The following LHFPL3 variants were observed in gnomAD, a reference collection of about 807,000 sequenced individuals.
LHFPL3 encodes the protein LHFPL tetraspan subfamily member 3, also known as LHFPL tetraspan subfamily member 3 protein.
A neutral mutation model predicts 19.3 loss-of-function variants in LHFPL3; 5 were observed. The ratio of observed to expected loss-of-function variants is 0.26; its 90% CI spans 0.14 to 0.54. The LOEUF (loss-of-function observed/expected upper bound fraction) is 0.54, where lower values mean the gene tolerates loss of function less well. LHFPL3 is among the 20% of genes least tolerant of loss of function. The pLI, the probability that LHFPL3 is intolerant of heterozygous loss-of-function variation, is 0.94. For missense variants in LHFPL3, 249 were observed against 307.4 expected (o/e 0.81, Z 1.42); for synonymous variants, 133 against 126.2 (o/e 1.05, Z -0.36).
chr7:104,798,034 C>T (rs965569633), intron 2 of LHFPL3, among the ~76,000 whole-genome samples: 12 of 150,660 alleles, frequency 8.0e-5, no homozygotes, highest in African/African-American at 2.7e-4. Flanking sequence ...GTGGGGGGGG[C>T]GGCACTATGT....
intron 1 of LHFPL3, among the ~76,000 whole-genome samples, chr7:104,713,981 C>T (rs1033045570): frequency 6.6e-6 from 1 of 152,180 alleles, no homozygotes; most frequent in Non-Finnish European, 1.5e-5. Context: ...ATCTTACAGG[C>T]ATTTTGCTGG....
At chr7:104,533,480 A>C (rs956083428) in intron 1 of LHFPL3, among the ~76,000 whole-genome samples, 7 of 152,208 alleles carry the variant, frequency 4.6e-5, no homozygotes, top group Non-Finnish European at 1.0e-4. Context: ...TCCCTGCTGG[A>C]CACCTTCATC....
At chr7:104,452,039 C>A (rs1399266130) in intron 1 of LHFPL3, among the ~76,000 whole-genome samples, 2 of 151,926 alleles carry the variant, frequency 1.3e-5, no homozygotes, top group Non-Finnish European at 2.9e-5. Context: ...GGCCACCGCA[C>A]CCAGCCTAAA....
chr7:104,475,701 T>C (rs1325879204), intron 1 of LHFPL3, among the ~76,000 whole-genome samples: 1 of 152,206 alleles, frequency 6.6e-6, no homozygotes, highest in Non-Finnish European at 1.5e-5. Context: ...ACAAAGTCCC[T>C]GAGTAGTTCA....
At chr7:104,518,799 A>ATAGG in intron 1 of LHFPL3, among the ~76,000 whole-genome samples, 1 of 97,124 alleles carries the variant, frequency 1.0e-5, no homozygotes, top group Admixed American at 1.0e-4. Context: ...TAAATAGATG[A>ATAGG]TAGATAGATA....
At chr7:104,600,752 T>A (rs1790947338) in intron 1 of LHFPL3, among the ~76,000 whole-genome samples, 1 of 152,198 alleles carries the variant, frequency 6.6e-6, no homozygotes, top group Admixed American at 6.5e-5. Flanking sequence ...GTACTGTTGT[T>A]TCATTCATTC....
At chr7:104,836,691 A>ATGCTC (rs1791102095) in intron 2 of LHFPL3, among the ~76,000 whole-genome samples, 1 of 152,174 alleles carries the variant, frequency 6.6e-6, no homozygotes, top group Non-Finnish European at 1.5e-5. Context: ...TAAGTTCACT[A>ATGCTC]TGCTCTGCTA....
chr7:104,733,354 T>A (rs1254269460), intron 1 of LHFPL3, among the ~76,000 whole-genome samples: 1 of 152,164 alleles, frequency 6.6e-6, no homozygotes, highest in Admixed American at 6.5e-5. Flanking sequence ...TGTGTGGGAG[T>A]CTAAGTCTCT....
intron 1 of LHFPL3, among the ~76,000 whole-genome samples, chr7:104,719,268 T>C (rs1174220113): frequency 6.6e-6 from 1 of 152,146 alleles, no homozygotes; most frequent in Non-Finnish European, 1.5e-5. Context: ...AAAGTACACA[T>C]GTACACATAC....
intron 2 of LHFPL3, among the ~76,000 whole-genome samples, chr7:104,868,093 C>G (rs1355181975): frequency 6.6e-6 from 1 of 152,224 alleles, no homozygotes; most frequent in East Asian, 1.9e-4. Context: ...ATAATAAGAG[C>G]TATTTATGAC....
chr7:104,569,309 T>G (rs1323221152), intron 1 of LHFPL3, among the ~76,000 whole-genome samples: 1 of 152,180 alleles, frequency 6.6e-6, no homozygotes, highest in Non-Finnish European at 1.5e-5. Context: ...GGAAATGTAT[T>G]AGTCATCTTT....
chr7:104,499,291 A>T (rs1793552293), intron 1 of LHFPL3, among the ~76,000 whole-genome samples: 1 of 152,230 alleles, frequency 6.6e-6, no homozygotes, highest in South Asian at 2.1e-4. Flanking sequence ...TTGCAAAATG[A>T]ATAGCACTTT....
At chr7:104,550,967 C>T (rs1489223350) in intron 1 of LHFPL3, among the ~76,000 whole-genome samples, 2 of 152,132 alleles carry the variant, frequency 1.3e-5, no homozygotes, top group Non-Finnish European at 2.9e-5. Flanking sequence ...CCAAAATTTT[C>T]CAGAGCTCTC....
chr7:104,861,344 C>T (rs1270675008), intron 2 of LHFPL3, among the ~76,000 whole-genome samples: 1 of 152,134 alleles, frequency 6.6e-6, no homozygotes, highest in Non-Finnish European at 1.5e-5. Context: ...TATTTTTTCT[C>T]ATATATAAAA....
chr7:104,530,566 TGA>T (rs1265035707), intron 1 of LHFPL3, among the ~76,000 whole-genome samples: 1 of 152,214 alleles, frequency 6.6e-6, no homozygotes, highest in Non-Finnish European at 1.5e-5. Flanking sequence ...AGTGTATATT[TGA>T]GAATTTGATT....
At position 104,663,788 on chromosome 7, in the gene LHFPL3, A is replaced by G. The variant is rs140762266; in HGVS notation, c.446-72887A>G. Among the ~76,000 whole-genome samples, 185 of 152,356 alleles carry G rather than the reference A, an allele frequency of 1.2e-3. 1 individual carries two copies. Among genetic ancestry groups the G allele is most frequent in the African/African-American group, 1.7e-3 (71 of 41,584 alleles). On this transcript the variant is annotated intron_variant, in intron 1 of 2. Coordinates refer to ENST00000424859, the MANE Select transcript of LHFPL3 (RefSeq NM_199000.3). ...TTTATGTTGACTATCACAGAATCCT[A>G]TGATTCTAGAATTGAATCCATGTAA... is the stretch of plus-strand genomic sequence containing the variant.
chr7:104,627,030 C>T (rs988367017), intron 1 of LHFPL3, among the ~76,000 whole-genome samples: 25 of 151,924 alleles, frequency 1.6e-4, no homozygotes, highest in Admixed American at 4.6e-4. Context: ...GTATATAATA[C>T]GTTATTATTA....
At chr7:104,419,705 G>T (rs1169133308) in intron 1 of LHFPL3, among the ~76,000 whole-genome samples, 3 of 152,178 alleles carry the variant, frequency 2.0e-5, no homozygotes, top group Non-Finnish European at 4.4e-5. Context: ...CCAGACTTGG[G>T]ATTCTTCTGA....
At chr7:104,584,442 A>T (rs1584417918) in intron 1 of LHFPL3, among the ~76,000 whole-genome samples, 2 of 151,482 alleles carry the variant, frequency 1.3e-5, no homozygotes, top group South Asian at 4.2e-4. Flanking sequence ...CATGTACCCT[A>T]AAACTTAAAG....
Sources: allele counts gnomAD v4.1 joint callset (sites outside exome capture counted in the v4.1 genomes callset), GRCh38; gene constraint gnomAD v4.1.1; transcripts MANE v1.5; gene names NCBI Gene and HGNC (gene_info 2026-07-23, HGNC 2026-07-21).